Variants in TOX3 observed in about 807,000 individuals in gnomAD.
The protein encoded by TOX3 is TOX high mobility group box family member 3, also known as CAG trinucleotide repeat-containing gene F9 protein.
A neutral mutation model predicts 64.3 loss-of-function variants in TOX3; 22 were observed. The observed-to-expected ratio is 0.34, with a 90% CI of 0.24 to 0.49. The LOEUF (loss-of-function observed/expected upper bound fraction) is 0.49. Among genes scored for constraint, TOX3 ranks in the 20% least tolerant of loss-of-function variants. The pLI is 0.99. For synonymous variants in TOX3, 291 were observed against 273.6 expected, an observed-to-expected ratio of 1.06 and a Z score of -0.63; for missense variants, 661 against 714.4, an observed-to-expected ratio of 0.93 and a Z score of 0.85.
chr16:52,538,617 A>G (rs1004264570), intron 1 of TOX3, among the ~76,000 whole-genome samples: 5 of 152,226 alleles, frequency 3.3e-5, no homozygotes, highest in Non-Finnish European at 7.4e-5. Context: ...CAAAAGAATG[A>G]GTATATATCA....
intron 1 of TOX3, among the ~76,000 whole-genome samples, chr16:52,536,505 G>A (rs1396590528): frequency 1.3e-5 from 2 of 150,548 alleles, no homozygotes; most frequent in Non-Finnish European, 3.0e-5. Flanking sequence ...GTAAGAAAAT[G>A]AGGTAGGAAA....
At chr16:52,446,324 T>A in intron 4 of TOX3, 103 bp from the exon 5 acceptor site, 1 of 1,211,278 alleles carries the variant, frequency 8.3e-7, no homozygotes, top group Non-Finnish European at 1.1e-6. Flanking sequence ...TTGTTAGGCA[T>A]CATCAACAGA....
chr16:52,504,825 TTTTGTTTGTTTG>T (rs57996503), intron 1 of TOX3, among the ~76,000 whole-genome samples: 6 of 150,274 alleles, frequency 4.0e-5, no homozygotes, highest in African/African-American at 1.5e-4. Flanking sequence ...AAGAGGGTCT[TTTTGTTTGTTTG>T]TTTGTTTGTT....
chr16:52,457,919 T>A (rs1476386450), intron 3 of TOX3, among the ~76,000 whole-genome samples: 1 of 152,194 alleles, frequency 6.6e-6, no homozygotes, highest in Non-Finnish European at 1.5e-5. Context: ...AAAAACAGTG[T>A]TCCCTAAAGT....
chr16:52,546,656 C>T lies in TOX3; in HGVS notation c.68G>A (p.Gly23Glu). 6.5e-7 allele frequency: 1 copy of T among 1,542,860 alleles called. No individual in the cohort carries two copies. The highest frequency in any genetic ancestry group is 8.7e-7 in the Non-Finnish European group (1 of 1,147,244). ...PASLDFAQCL[G>E]YYGYSKFGNN... is the part of the protein sequence containing the mutation. ...GGTCACCTTGCTGTAGCCGTAGTAC[C>T]CCAGGCACTGCGCGAAGTCCAGGCT... Residue 23 changes from glycine to glutamate, a missense_variant, in exon 1 of 7, where the codon GGG becomes GAG. Coordinates refer to ENST00000219746, the MANE Select transcript of TOX3 (RefSeq NM_001080430.4).
chr16:52,445,898 C>A, intron 5 of TOX3, 96 bp downstream of exon 5: 1 of 1,134,810 alleles, frequency 8.8e-7, no homozygotes, highest in South Asian at 1.6e-5. Flanking sequence ...AAGAAGCAAT[C>A]ATATTAAGTG....
At position 52,438,994 on chromosome 16, in the gene TOX3, A is replaced by C. The variant is rs776399573; in HGVS notation, c.*231T>G. 1 of 721,876 alleles carries C rather than the reference A, an allele frequency of 1.4e-6. No homozygotes were observed. The highest frequency in any genetic ancestry group is 1.4e-5 in the South Asian group (1 of 71,204). 44.7% of individuals were successfully genotyped at this position (721,876 alleles called of 1,614,324 possible). On this transcript the variant is annotated 3_prime_UTR_variant, in exon 7 of 7. Coordinates refer to ENST00000219746, the MANE Select transcript of TOX3 (RefSeq NM_001080430.4). ...GAATAAATAAAAAAGGCATCACATA[A>C]AAGAGCACAGCTTTTCTTGTTTAAA... is the stretch of plus-strand genomic sequence containing the variant.
chr16:52,464,538 C>G (rs1336538919), intron 2 of TOX3, among the ~76,000 whole-genome samples: 1 of 152,178 alleles, frequency 6.6e-6, no homozygotes. Flanking sequence ...CTGACACTAT[C>G]CACATGCTTT....
At chr16:52,537,897 A>AG (rs1296138367) in intron 1 of TOX3, among the ~76,000 whole-genome samples, 1 of 136,084 alleles carries the variant, frequency 7.3e-6, no homozygotes, top group Non-Finnish European at 1.6e-5. Context: ...AAAAAAAAAA[A>AG]AAAGAAAGAA....
intron 1 of TOX3, among the ~76,000 whole-genome samples, chr16:52,523,916 A>G (rs2151480292): frequency 6.6e-6 from 1 of 152,344 alleles, no homozygotes; most frequent in Non-Finnish European, 1.5e-5. Flanking sequence ...CATTTAAAGC[A>G]TAGCTGCTTG....
chr16:52,533,046 G>A (rs1308641722), intron 1 of TOX3, among the ~76,000 whole-genome samples: 2 of 152,140 alleles, frequency 1.3e-5, no homozygotes, highest in Non-Finnish European at 1.5e-5. Context: ...GAATAGAAGT[G>A]GTCTATGGAG....
chr16:52,532,129 G>C (rs1962864684), intron 1 of TOX3, among the ~76,000 whole-genome samples: 1 of 152,164 alleles, frequency 6.6e-6, no homozygotes, highest in Non-Finnish European at 1.5e-5. Flanking sequence ...GAGAAATGTA[G>C]ATCACAGTAG....
rs150539682 is a variant in TOX3 at position 52,462,379 on chromosome 16, T to C, written c.408+1555A>G. Among the ~76,000 whole-genome samples, 156 of 152,266 alleles carry C rather than the reference T, an allele frequency of 1.0e-3. 2 individuals carry two copies. The East Asian group carries it at 0.028, about 27-fold the overall frequency. On this transcript the variant is annotated intron_variant, in intron 3 of 6. Transcript: ENST00000219746. ...GTTCTTTCCAATATAGTAAATTCAATTGACCATGAAATGAAATTTCATAGT... is the reference window on the plus strand; with the variant it reads ...GTTCTTTCCAATATAGTAAATTCAACTGACCATGAAATGAAATTTCATAGT...
intron 1 of TOX3, among the ~76,000 whole-genome samples, chr16:52,510,778 A>AAAAAAAAAAAAAAAAAAG (rs574634087): frequency 1.7e-5 from 2 of 115,140 alleles, no homozygotes; most frequent in Non-Finnish European, 3.4e-5. Flanking sequence ...AAAAAAAAAA[A>AAAAAAAAAAAAAAAAAAG]AAGAAGAAGA....
chr16:52,492,454 T>G (rs894526324), intron 1 of TOX3, among the ~76,000 whole-genome samples: 15 of 140,688 alleles, frequency 1.1e-4, no homozygotes, highest in African/African-American at 3.9e-4. Context: ...TGACCAATAT[T>G]TATATATTAT....
At chr16:52,529,980 G>A (rs539797589) in intron 1 of TOX3, among the ~76,000 whole-genome samples, 28 of 152,326 alleles carry the variant, frequency 1.8e-4, no homozygotes, top group South Asian at 4.1e-4. Flanking sequence ...ATATGCCATC[G>A]TGAGCATTCA....
At chr16:52,516,115 T>C (rs1962447673) in intron 1 of TOX3, among the ~76,000 whole-genome samples, 1 of 152,180 alleles carries the variant, frequency 6.6e-6, no homozygotes, top group African/African-American at 2.4e-5. Context: ...AGTGTTGGTA[T>C]TGTAAAATCA....
At chr16:52,445,971 G>C (rs775642810) in intron 5 of TOX3, 23 bp downstream of exon 5, 1 of 1,600,394 alleles carries the variant, frequency 6.2e-7, no homozygotes, top group East Asian at 2.2e-5. Flanking sequence ...TATTGATGGA[G>C]CCTTGATGGG....
chr16:52,497,110 C>T (rs45615431), intron 1 of TOX3, among the ~76,000 whole-genome samples: 3 of 152,244 alleles, frequency 2.0e-5, no homozygotes, highest in Non-Finnish European at 4.4e-5. Flanking sequence ...AAAGCACACT[C>T]ATGTTTATGA....
Sources: allele counts gnomAD v4.1 joint callset (sites outside exome capture counted in the v4.1 genomes callset), GRCh38; gene constraint gnomAD v4.1.1; transcripts MANE v1.5; gene names NCBI Gene and HGNC (gene_info 2026-07-23, HGNC 2026-07-21).